The following INPP4B variants were observed in gnomAD, a reference collection of about 807,000 sequenced individuals.
INPP4B encodes the protein inositol polyphosphate 4-phosphatase type II.
INPP4B carries 55 observed loss-of-function variants against 122.5 expected under a neutral mutation model. The ratio of observed to expected loss-of-function variants is 0.45; its 90% CI spans 0.36 to 0.56. The LOEUF (loss-of-function observed/expected upper bound fraction) is 0.56. Among genes scored for constraint, INPP4B ranks in the 20% least tolerant of loss-of-function variants. INPP4B has a pLI of 0.00. For synonymous variants in INPP4B, 403 were observed against 388.7 expected, an observed-to-expected ratio of 1.04 and a Z score of -0.43; for missense variants, 1,000 against 1,097.7, an observed-to-expected ratio of 0.91 and a Z score of 1.26.
At chr4:142,750,150 AC>A (rs2150946281) in intron 1 of INPP4B, among the ~76,000 whole-genome samples, 1 of 152,208 alleles carries the variant, frequency 6.6e-6, no homozygotes, top group East Asian at 1.9e-4. Context: ...AAAATTGCAC[AC>A]TAAAATGTAA....
chr4:142,499,412 G>GA (rs1823066679), intron 2 of INPP4B, among the ~76,000 whole-genome samples: 1 of 152,072 alleles, frequency 6.6e-6, no homozygotes, highest in Non-Finnish European at 1.5e-5. Flanking sequence ...AGAAACTCAC[G>GA]AAGTCACAAA....
intron 10 of INPP4B, 48 bp from the exon 11 acceptor site, chr4:142,260,612 A>G (rs749817967): frequency 1.1e-5 from 13 of 1,196,876 alleles, no homozygotes; most frequent in Non-Finnish European, 1.6e-5. Context: ...AACAATCAAA[A>G]TAAGGAATGA....
At chr4:142,040,285 C>T (rs1487807667) in intron 25 of INPP4B, among the ~76,000 whole-genome samples, 1 of 152,062 alleles carries the variant, frequency 6.6e-6, no homozygotes, top group Non-Finnish European at 1.5e-5. Context: ...CATGGCTGAC[C>T]CTTGGTCGTT....
intron 2 of INPP4B, among the ~76,000 whole-genome samples, chr4:142,561,032 C>A (rs1730364297): frequency 6.6e-6 from 1 of 152,132 alleles, no homozygotes. Flanking sequence ...GGAATTACTG[C>A]CAAATCCATA....
chr4:142,562,972 C>A (rs1003026913), intron 2 of INPP4B, among the ~76,000 whole-genome samples: 1 of 152,168 alleles, frequency 6.6e-6, no homozygotes, highest in East Asian at 1.9e-4. Flanking sequence ...GTTCAACACA[C>A]AAACTTAAGT....
At chr4:142,611,108 A>T (rs1742397497) in intron 2 of INPP4B, among the ~76,000 whole-genome samples, 1 of 152,218 alleles carries the variant, frequency 6.6e-6, no homozygotes, top group African/African-American at 2.4e-5. Context: ...CAATCATGGC[A>T]AAAGGCAAAG....
intron 8 of INPP4B, among the ~76,000 whole-genome samples, chr4:142,306,632 C>CA (rs1392833815): frequency 2.6e-5 from 4 of 152,200 alleles, no homozygotes; most frequent in African/African-American, 9.6e-5. Flanking sequence ...AGAAAAGCTT[C>CA]AAGTCGGAAT....
chr4:142,575,523 A>C (rs967902942), intron 2 of INPP4B, among the ~76,000 whole-genome samples: 2 of 152,078 alleles, frequency 1.3e-5, no homozygotes, highest in African/African-American at 2.4e-5. Context: ...AAGCTCTACA[A>C]GGAAAAATAA....
chr4:142,671,014 C>G (rs1256305096), intron 2 of INPP4B, among the ~76,000 whole-genome samples: 21 of 151,984 alleles, frequency 1.4e-4, no homozygotes, highest in Admixed American at 1.3e-3. Context: ...CAAGACTACC[C>G]TAATCTTAAT....
intron 18 of INPP4B, among the ~76,000 whole-genome samples, chr4:142,127,653 A>G (rs1005505377): frequency 6.6e-6 from 1 of 152,222 alleles, no homozygotes; most frequent in African/African-American, 2.4e-5. Flanking sequence ...ATATCAGGAC[A>G]ATGACAATAT....
intron 2 of INPP4B, among the ~76,000 whole-genome samples, chr4:142,626,919 G>A (rs184106060): frequency 2.0e-5 from 3 of 152,122 alleles, no homozygotes; most frequent in South Asian, 2.1e-4. Context: ...CCATAAAGCT[G>A]TGTTTTCTCA....
chr4:142,238,876 C>T (rs1205642365), intron 11 of INPP4B, among the ~76,000 whole-genome samples: 1 of 152,074 alleles, frequency 6.6e-6, no homozygotes, highest in Admixed American at 6.6e-5. Context: ...CAATGAATGC[C>T]TATGTCACAC....
In INPP4B at chr4:142,606,701, G is replaced by A. The variant is rs1171229269; in HGVS notation, c.-191+119138C>T. On this transcript the variant is annotated intron_variant, in intron 2 of 25. Coordinates refer to ENST00000262992, the MANE Select transcript of INPP4B (RefSeq NM_001101669.3). ...TATGCAACACTCTGGCCTTGAAAGT[G>A]CTAAAATTCCATGAGGAAGCTGCTG... is the stretch of plus-strand genomic sequence containing the variant. Among the ~76,000 whole-genome samples, 3 of 151,994 alleles carry A rather than the reference G, an allele frequency of 2.0e-5. No individual in the cohort carries two copies. In the East Asian group the frequency reaches 5.8e-4, roughly 29 times the overall value.
intron 3 of INPP4B, among the ~76,000 whole-genome samples, chr4:142,439,213 A>G (rs1364163300): frequency 6.6e-6 from 1 of 152,086 alleles, no homozygotes; most frequent in Non-Finnish European, 1.5e-5. Context: ...CTAACAAGCA[A>G]TCTTTGTTCT....
intron 18 of INPP4B, among the ~76,000 whole-genome samples, chr4:142,127,322 T>C (rs1056616786): frequency 2.0e-5 from 3 of 152,202 alleles, no homozygotes; most frequent in African/African-American, 7.2e-5. Flanking sequence ...GTGACAATTC[T>C]AATTAAATAT....
intron 2 of INPP4B, among the ~76,000 whole-genome samples, chr4:142,629,612 C>T (rs1016367402): frequency 3.9e-5 from 6 of 152,012 alleles, no homozygotes; most frequent in Admixed American, 3.9e-4. Flanking sequence ...CACAACAGAA[C>T]ATATTTCTAG....
chr4:142,325,210 G>C (rs774517132), intron 7 of INPP4B, among the ~76,000 whole-genome samples: 1 of 152,096 alleles, frequency 6.6e-6, no homozygotes, highest in Admixed American at 6.5e-5. Flanking sequence ...TACCCAAACC[G>C]AACTCCTTAA....
chr4:142,132,736 T>C (rs1168139013), intron 18 of INPP4B, among the ~76,000 whole-genome samples: 1 of 152,186 alleles, frequency 6.6e-6, no homozygotes, highest in Non-Finnish European at 1.5e-5. Flanking sequence ...TATTTCCTTT[T>C]TAACTGGATC....
chr4:142,317,291 C>A, intron 7 of INPP4B: 1 of 373,048 alleles, frequency 2.7e-6, no homozygotes, highest in Middle Eastern at 1.1e-3. Context: ...AGGAGCCCCT[C>A]GATCTTATCA....
Sources: allele counts gnomAD v4.1 joint callset (sites outside exome capture counted in the v4.1 genomes callset), GRCh38; gene constraint gnomAD v4.1.1; transcripts MANE v1.5; gene names NCBI Gene and HGNC (gene_info 2026-07-23, HGNC 2026-07-21).